SETBP1: variants seen among roughly 807,000 people sequenced by gnomAD.
SETBP1 encodes SET-binding protein.
In SETBP1, 9 loss-of-function variants were observed where a neutral mutation model predicts 101.0. The ratio of observed to expected loss-of-function variants is 0.09; its 90% CI spans 0.05 to 0.16. SETBP1 has a LOEUF of 0.16. Among genes scored for constraint, SETBP1 ranks in the 10% least tolerant of loss-of-function variants. The probability of loss-of-function intolerance (pLI) is 1.00; values close to 1 mark genes in which losing one functional copy is unlikely to be tolerated. For missense variants in SETBP1, 1,858 were observed against 2,033.8 expected (o/e 0.91, Z 1.66); for synonymous variants, 818 against 788.5 (o/e 1.04, Z -0.63).
At chr18:44,682,279 A>G (rs997591303) in intron 1 of SETBP1, among the ~76,000 whole-genome samples, 42 of 152,044 alleles carry the variant, frequency 2.8e-4, no homozygotes, top group African/African-American at 9.9e-4. Flanking sequence ...GGTAGAGAAG[A>G]GGTATTTGGA....
chr18:45,042,047 C>T (rs2073518585), intron 5 of SETBP1, among the ~76,000 whole-genome samples: 1 of 151,920 alleles, frequency 6.6e-6, no homozygotes, highest in South Asian at 2.1e-4. Context: ...TAAATAATCA[C>T]TGAGTGAAAC....
At chr18:44,998,423 C>A (rs1384632934) in intron 4 of SETBP1, among the ~76,000 whole-genome samples, 1 of 152,188 alleles carries the variant, frequency 6.6e-6, no homozygotes, top group Non-Finnish European at 1.5e-5. Context: ...GCATTAAAGA[C>A]CCCGGAGATT....
chr18:44,868,713 A>AC (rs1568190573), intron 2 of SETBP1, among the ~76,000 whole-genome samples: 181 of 3,094 alleles, frequency 0.059, 10 homozygotes, highest in South Asian at 0.12. Flanking sequence ...GAAGGAAGGG[A>AC]GGAAGGAAGG....
chr18:45,044,173 C>T (rs2073564577), intron 5 of SETBP1, among the ~76,000 whole-genome samples: 1 of 152,128 alleles, frequency 6.6e-6, no homozygotes, highest in Non-Finnish European at 1.5e-5. Flanking sequence ...TTTGGAACAT[C>T]CAGGGACCAT....
intron 2 of SETBP1, among the ~76,000 whole-genome samples, chr18:44,830,084 G>A (rs2072326411): frequency 6.6e-6 from 1 of 152,136 alleles, no homozygotes; most frequent in Non-Finnish European, 1.5e-5. Context: ...AATTTAAGTA[G>A]GTAAATAAGT....
At chr18:44,967,554 G>A (rs1010960841) in intron 4 of SETBP1, among the ~76,000 whole-genome samples, 1 of 152,150 alleles carries the variant, frequency 6.6e-6, no homozygotes, top group Admixed American at 6.5e-5. Context: ...CTCTGTTTAA[G>A]GTCTTACGGA....
chr18:44,893,864 T>C (rs2069829413), intron 3 of SETBP1, among the ~76,000 whole-genome samples: 1 of 152,082 alleles, frequency 6.6e-6, no homozygotes, highest in African/African-American at 2.4e-5. Flanking sequence ...ATGAAAAGTG[T>C]ATCTCTTATC....
At chr18:44,761,103 AT>A (rs2070631424) in intron 2 of SETBP1, among the ~76,000 whole-genome samples, 1 of 152,164 alleles carries the variant, frequency 6.6e-6, no homozygotes, top group Non-Finnish European at 1.5e-5. Flanking sequence ...TACTTTATTT[AT>A]TTTTAAAGCA....
At chr18:45,013,303 C>T (rs2072876518) in intron 4 of SETBP1, among the ~76,000 whole-genome samples, 3 of 152,214 alleles carry the variant, frequency 2.0e-5, no homozygotes, top group Non-Finnish European at 2.9e-5. Flanking sequence ...ATCCGGTTGC[C>T]TCAGCCCAGT....
At position 44,869,172 on chromosome 18, in the gene SETBP1, G is replaced by A. The variant is rs1355944618; in HGVS notation, c.487-58G>A. 5 of 1,466,684 alleles carry A rather than the reference G, an allele frequency of 3.4e-6. No individual in the cohort carries two copies. The African/African-American group carries it at 4.2e-5, about 12-fold the overall frequency. 90.9% of individuals were successfully genotyped at this position (1,466,684 alleles called of 1,614,324 possible). A position where few individuals can be genotyped will look rare whatever the true frequency, so the allele number is the denominator to read the frequency against. ...AGTCCATTGCTGGTCAGTTGTCGTG[G>A]GGATACTGTATGCAAACTGAAAAGT... On this transcript the variant is annotated intron_variant, in intron 2 of 5. Transcript: ENST00000649279.
chr18:44,879,587 C>T (rs1163573102), intron 3 of SETBP1, among the ~76,000 whole-genome samples: 4 of 152,064 alleles, frequency 2.6e-5, no homozygotes, highest in African/African-American at 7.2e-5. Flanking sequence ...TTGGGATTGT[C>T]CAACAGAAAA....
intron 2 of SETBP1, among the ~76,000 whole-genome samples, chr18:44,773,850 G>GTGTGTGTGTGTT (rs1555679380): frequency 1.3e-5 from 2 of 151,088 alleles, no homozygotes; most frequent in African/African-American, 2.4e-5. Flanking sequence ...GTGTGTGTGT[G>GTGTGTGTGTGTT]TGTGTGTGTG....
chr18:44,997,347 C>T (rs925095066), intron 4 of SETBP1, among the ~76,000 whole-genome samples: 1 of 152,134 alleles, frequency 6.6e-6, no homozygotes, highest in African/African-American at 2.4e-5. Context: ...TTGGAAGAAA[C>T]CCAGGCCTTA....
chr18:44,817,591 A>G (rs1034634243), intron 2 of SETBP1, among the ~76,000 whole-genome samples: 2 of 151,872 alleles, frequency 1.3e-5, no homozygotes, highest in Non-Finnish European at 2.9e-5. Context: ...AGACTGAGAC[A>G]GGAGAATCTC....
At chr18:44,774,353 G>C (rs147225698) in intron 2 of SETBP1, among the ~76,000 whole-genome samples, 1 of 151,822 alleles carries the variant, frequency 6.6e-6, no homozygotes, top group Non-Finnish European at 1.5e-5. Context: ...GAGTATATGT[G>C]TTTGAGTGTG....
chr18:44,764,427 CCTTCTT>C (rs753638622), intron 2 of SETBP1, among the ~76,000 whole-genome samples: 1 of 151,868 alleles, frequency 6.6e-6, no homozygotes, highest in African/African-American at 2.4e-5. Context: ...TGGCTGTCCT[CCTTCTT>C]CTTCTTCTTC....
intron 2 of SETBP1, among the ~76,000 whole-genome samples, chr18:44,703,752 A>G (rs2144214562): frequency 6.6e-6 from 1 of 152,250 alleles, no homozygotes; most frequent in African/African-American, 2.4e-5. Context: ...CTTTGCAGTG[A>G]TTTCTGGATA....
At chr18:44,986,296 T>G (rs905215781) in intron 4 of SETBP1, 1 of 152,242 alleles carries the variant, frequency 6.6e-6, no homozygotes, top group Non-Finnish European at 1.5e-5. Context: ...AATAATGGTA[T>G]GCCTCTCTAG....
At chr18:44,736,502 T>G (rs2069971290) in intron 2 of SETBP1, among the ~76,000 whole-genome samples, 2 of 152,366 alleles carry the variant, frequency 1.3e-5, no homozygotes, top group African/African-American at 4.8e-5. Context: ...GGGAAGATAC[T>G]GTCATCTTGT....
Sources: allele counts gnomAD v4.1 joint callset (sites outside exome capture counted in the v4.1 genomes callset), GRCh38; gene constraint gnomAD v4.1.1; transcripts MANE v1.5; gene names NCBI Gene and HGNC (gene_info 2026-07-23, HGNC 2026-07-21).